SEMA3A: variants seen among roughly 807,000 people sequenced by gnomAD.
The protein encoded by SEMA3A is semaphorin-3A.
A neutral mutation model predicts 97.9 loss-of-function variants in SEMA3A; 29 were observed. That is an observed-to-expected ratio of 0.30 (90% confidence interval 0.22 to 0.40). The LOEUF (loss-of-function observed/expected upper bound fraction) is 0.40. Among genes scored for constraint, SEMA3A ranks in the 10% least tolerant of loss-of-function variants. The probability of loss-of-function intolerance (pLI) is 1.00; values close to 1 mark genes in which losing one functional copy is unlikely to be tolerated. For synonymous variants in SEMA3A, 321 were observed against 323.7 expected (o/e 0.99, Z 0.09); for missense variants, 763 against 951.3 (o/e 0.80, Z 2.60).
rs1792350051 is a variant in SEMA3A at position 84,046,368 on chromosome 7, T to C, written c.623A>G (p.His208Arg). The change falls in exon 6 of 17, where the codon CAC (histidine) becomes CGC (arginine). Residue 208 changes from histidine (H) to arginine (R), a missense_variant. By Grantham distance (29) the His-to-Arg change is conservative. This residue lies in a region of SEMA3A where 678 missense variants were observed against 881.3 expected (regional missense o/e 0.77). Transcript: ENST00000265362. ...DFAIFRTLGH[H>R]HPIRTEQHDS... ...ATGCTGCTCTGTCCTGATTGGGTGG[T>C]GGTGCCCAAGAGTTCGGAAGATAGC... 1.9e-6 allele frequency: 3 copies of C among 1,613,266 alleles called. No homozygotes were observed. The highest frequency in any genetic ancestry group is 2.5e-6 in the Non-Finnish European group (3 of 1,179,444).
intron 2 of SEMA3A, among the ~76,000 whole-genome samples, chr7:84,319,597 C>G (rs1350842297): frequency 1.3e-5 from 2 of 151,822 alleles, no homozygotes; most frequent in African/African-American, 4.8e-5. Flanking sequence ...TAACATTTAA[C>G]TAAAGATTGG....
At chr7:84,405,618 A>T (rs1804058435) in intron 1 of SEMA3A, among the ~76,000 whole-genome samples, 1 of 152,184 alleles carries the variant, frequency 6.6e-6, no homozygotes, top group South Asian at 2.1e-4. Context: ...CACCACACCT[A>T]TTCCAAAAAT....
At chr7:84,064,734 T>C (rs1378448486) in intron 4 of SEMA3A, among the ~76,000 whole-genome samples, 31 of 142,896 alleles carry the variant, frequency 2.2e-4, no homozygotes, top group South Asian at 4.6e-4. Context: ...CCTAAATATA[T>C]ATGCACCCAA....
rs1322347354 is a variant in SEMA3A at position 84,401,534 on chromosome 7, G to A, written c.-245-29634C>T. On this transcript the variant is annotated intron_variant, in intron 1 of 3. Coordinates refer to the SEMA3A transcript ENST00000424555. ...CTAAAATTTGCATGGAACTACAGAAGATCCTGACATAGCCACAGCAATTCT... is the reference window on the plus strand; with the variant it reads ...CTAAAATTTGCATGGAACTACAGAAAATCCTGACATAGCCACAGCAATTCT... Among the ~76,000 whole-genome samples, 17 of 148,776 alleles carry A rather than the reference G, an allele frequency of 1.1e-4. 1 individual carries two copies. In the South Asian group the frequency reaches 3.6e-3, roughly 32 times the overall value.
chr7:83,961,706 G>C lies in SEMA3A; in HGVS notation c.1981C>G (p.Leu661Val), dbSNP rs1244767911. ...AVEHGFIQTL[L>V]KVTLEVIDTE... ...TCAATGACTTCCAGGGTTACCTTAA[G>C]AAGAGTTTGTATGAACCCATGTTCC... Residue 661 changes from leucine to valine, a missense_variant, in exon 17 of 17, where the codon CTT becomes GTT. Leu to Val is a conservative substitution (Grantham distance 32, BLOSUM62 1). This residue lies in a region of SEMA3A where 678 missense variants were observed against 881.3 expected (regional missense o/e 0.77). Coordinates refer to ENST00000265362, the MANE Select transcript of SEMA3A (RefSeq NM_006080.3). 1 of 1,613,614 alleles carries C rather than the reference G, an allele frequency of 6.2e-7. No individual in the cohort carries two copies. Among genetic ancestry groups the C allele is most frequent in the Admixed American group, 1.7e-5 (1 of 59,934 alleles).
At chr7:84,286,223 G>A (rs151065619) in intron 3 of SEMA3A, among the ~76,000 whole-genome samples, 53 of 152,198 alleles carry the variant, frequency 3.5e-4, no homozygotes, top group African/African-American at 1.1e-3. Flanking sequence ...GCACCTCAAC[G>A]TAGCTGTAAT....
chr7:84,484,572 G>C (rs545149075), intron 1 of SEMA3A, among the ~76,000 whole-genome samples: 57 of 150,614 alleles, frequency 3.8e-4, no homozygotes, highest in African/African-American at 6.1e-4. Flanking sequence ...CACACACACA[G>C]AGAGCAAGTT....
chr7:83,984,047 ATTGT>A (rs1482277849), intron 13 of SEMA3A, among the ~76,000 whole-genome samples: 2 of 152,148 alleles, frequency 1.3e-5, no homozygotes, highest in African/African-American at 2.4e-5. Flanking sequence ...AAACTGATAG[ATTGT>A]TTTTCTTTGT....
At chr7:84,032,013 T>C (rs1444353149) in intron 6 of SEMA3A, among the ~76,000 whole-genome samples, 1 of 152,194 alleles carries the variant, frequency 6.6e-6, no homozygotes, top group Admixed American at 6.5e-5. Flanking sequence ...AAACTTACTT[T>C]GTCAAAAATT....
At chr7:83,991,516 G>C (rs7779973) in intron 12 of SEMA3A, among the ~76,000 whole-genome samples, 112,223 of 149,724 alleles carry the variant, frequency 0.75, 42,342 homozygotes, top group East Asian at 0.88. Flanking sequence ...TTTATTGAGA[G>C]TTTTTAGCAT....
At chr7:84,088,303 A>C (rs1013103000) in intron 4 of SEMA3A, among the ~76,000 whole-genome samples, 1 of 152,068 alleles carries the variant, frequency 6.6e-6, no homozygotes, top group African/African-American at 2.4e-5. Context: ...AAAATACAAA[A>C]ATTAGCTGGG....
chr7:84,211,266 C>CT (rs1798617324), intron 3 of SEMA3A, among the ~76,000 whole-genome samples: 1 of 152,050 alleles, frequency 6.6e-6, no homozygotes, highest in Non-Finnish European at 1.5e-5. Context: ...GGCAAATATG[C>CT]TAGCCTTGGT....
chr7:84,136,626 A>C (rs1796131859), intron 1 of SEMA3A, among the ~76,000 whole-genome samples: 1 of 152,138 alleles, frequency 6.6e-6, no homozygotes, highest in Non-Finnish European at 1.5e-5. Flanking sequence ...AATTACTCTT[A>C]TAACCTGCAT....
At chr7:84,197,626 T>C (rs1388533855), upstream of SEMA3A, among the ~76,000 whole-genome samples, 2 of 151,388 alleles carry the variant, frequency 1.3e-5, no homozygotes, top group East Asian at 1.9e-4. Flanking sequence ...TCAACTAAAG[T>C]AGAAGCAAGG....
chr7:83,965,654 A>C (rs1307813410), intron 15 of SEMA3A, among the ~76,000 whole-genome samples: 1 of 11,320 alleles, frequency 8.8e-5, no homozygotes, highest in Non-Finnish European at 1.8e-4. Context: ...ATATATATAT[A>C]TATATATATA....
chr7:84,074,265 T>C (rs1793857130), intron 4 of SEMA3A, among the ~76,000 whole-genome samples: 1 of 152,130 alleles, frequency 6.6e-6, no homozygotes, highest in African/African-American at 2.4e-5. Flanking sequence ...TGCAAGCTAT[T>C]AAGAGTCCTT....
rs3839784 is a variant in SEMA3A at position 84,010,162 on chromosome 7, A to AT, written c.995+859dup. On this transcript the variant is annotated intron_variant, in intron 9 of 16. Coordinates refer to ENST00000265362, the MANE Select transcript of SEMA3A (RefSeq NM_006080.3). ...TGGAGCCTCAGGGAAAAAAAAGTAG[A>AT]TTTTTTTACAAAGAGAATCTATTTA... Among the ~76,000 whole-genome samples, 634 of 152,124 alleles carry AT rather than the reference A, an allele frequency of 4.2e-3. 15 individuals carry two copies. Among genetic ancestry groups the AT allele is most frequent in the Admixed American group, 0.035 (528 of 15,278 alleles).
At chr7:84,193,037 T>C (rs1798098983) in intron 1 of SEMA3A, among the ~76,000 whole-genome samples, 1 of 151,980 alleles carries the variant, frequency 6.6e-6, no homozygotes, top group African/African-American at 2.4e-5. Context: ...ACTAAATTAA[T>C]TAAATAACGC....
chr7:84,168,429 G>T (rs1310644717), intron 1 of SEMA3A, among the ~76,000 whole-genome samples: 3 of 151,788 alleles, frequency 2.0e-5, no homozygotes, highest in Admixed American at 1.3e-4. Context: ...ATTTGGATTT[G>T]CCAAAAGATA....
Sources: gnomAD v4.1 joint callset for allele counts (sites outside exome capture counted in the v4.1 genomes callset) on GRCh38, gnomAD v4.1.1 for gene constraint, gnomAD v4.1.1 regional missense constraint, MANE v1.5 for transcripts, NCBI Gene and HGNC (gene_info 2026-07-23, HGNC 2026-07-21) for gene names.